BCO1: variants seen among roughly 807,000 people sequenced by gnomAD.
BCO1 encodes beta-carotene oxygenase 1, also known as beta,beta-carotene 15,15'-dioxygenase.
In BCO1, 54 loss-of-function variants were observed where a neutral mutation model predicts 56.3. The observed-to-expected ratio is 0.96, with a 90% CI of 0.77 to 1.20. BCO1 has a LOEUF of 1.20. Among genes scored for constraint, BCO1 ranks in the 50% most tolerant of loss-of-function variants. BCO1 has a pLI of 0.00. For missense variants in BCO1, 801 were observed against 690.9 expected (o/e 1.16, Z -1.79); for synonymous variants, 318 against 266.1 (o/e 1.20, Z -1.90).
At chr16:81,239,064 T>G (rs1441351462) in intron 1 of BCO1, 92 bp downstream of exon 1, 16 of 1,101,104 alleles carry the variant, frequency 1.5e-5, no homozygotes, top group Admixed American at 2.3e-5. Flanking sequence ...TCGCCCGGGC[T>G]GGAGTCCAGT....
chr16:81,262,105 A>G (rs1376280746), intron 3 of BCO1, 31 bp from the exon 4 acceptor site: 1 of 1,611,976 alleles, frequency 6.2e-7, no homozygotes, highest in East Asian at 2.2e-5. Context: ...GGACATAGCC[A>G]CTGACTCTGT....
rs778912655 is a variant in BCO1 at position 81,264,692 on chromosome 16, A to T, written c.524A>T (p.Tyr175Phe). 6.2e-6 allele frequency: 10 copies of T among 1,614,052 alleles called. 1 individual carries two copies. The highest frequency in any genetic ancestry group is 8.5e-6 in the Non-Finnish European group (10 of 1,179,992). ...AATCTGGCAACGTCACATCCCCATT[A>T]TGATGAGGCTGGAAATGTTCTAAAC... ...AVNLATSHPH[Y>F]DEAGNVLNMG... is the part of the protein sequence containing the mutation. Residue 175 changes from tyrosine (Y) to phenylalanine (F), a missense_variant, in exon 5 of 11, where the codon TAT becomes TTT. Transcript: ENST00000258168.
At position 81,268,097 on chromosome 16, in the gene BCO1, G is replaced by A; in HGVS notation, c.809G>A (p.Trp270Ter). 1 of 1,611,240 alleles carries A rather than the reference G, an allele frequency of 6.2e-7. No individual in the cohort carries two copies. The highest frequency in any genetic ancestry group is 8.5e-7 in the Non-Finnish European group (1 of 1,179,968). ...MATAYIRRMSWASCLAFHREE... is the reference protein window; with the variant it reads ...MATAYIRRMS Reference sequence around the variant, plus strand: ...ACCGCATACATCCGGAGAATGAGCTGGGCCTCCTGCCTGGCTTTCCACAGG... The same window carrying A: ...ACCGCATACATCCGGAGAATGAGCTAGGCCTCCTGCCTGGCTTTCCACAGG... Residue 270 changes from tryptophan to a stop codon, truncating the protein, a stop_gained, in exon 6 of 11, where the codon TGG (tryptophan) becomes TAG (stop). Coordinates refer to ENST00000258168, the MANE Select transcript of BCO1 (RefSeq NM_017429.3). LOFTEE classifies it high-confidence loss of function.
At chr16:81,242,756 T>G (rs1284479958) in intron 1 of BCO1, among the ~76,000 whole-genome samples, 4 of 152,056 alleles carry the variant, frequency 2.6e-5, no homozygotes, top group Admixed American at 2.0e-4. Context: ...CCTCGAGCCG[T>G]GGACCAGTAC....
chr16:81,284,782 G>A (rs1214723646), intron 8 of BCO1, among the ~76,000 whole-genome samples: 3 of 150,936 alleles, frequency 2.0e-5, no homozygotes, highest in Admixed American at 6.6e-5. Flanking sequence ...ACCATGCCTA[G>A]CACAGCTTCC....
chr16:81,272,561 G>A (rs1469141594), intron 7 of BCO1, among the ~76,000 whole-genome samples: 1 of 152,158 alleles, frequency 6.6e-6, no homozygotes, highest in African/African-American at 2.4e-5. Flanking sequence ...GATGTTGGAA[G>A]TTCCGTTCTT....
At chr16:81,282,883 G>A (rs1170013322) in intron 8 of BCO1, among the ~76,000 whole-genome samples, 4 of 152,188 alleles carry the variant, frequency 2.6e-5, no homozygotes, top group Non-Finnish European at 5.9e-5. Flanking sequence ...CATCCCGGCA[G>A]TGTCATTCTT....
chr16:81,256,562 G>A (rs1376571703), intron 2 of BCO1, among the ~76,000 whole-genome samples: 3 of 152,080 alleles, frequency 2.0e-5, no homozygotes, highest in East Asian at 1.9e-4. Context: ...CCTCTTTCAG[G>A]CCCCTCCCCG....
intron 2 of BCO1, among the ~76,000 whole-genome samples, chr16:81,252,416 C>G (rs910098391): frequency 6.6e-6 from 1 of 152,018 alleles, no homozygotes; most frequent in South Asian, 2.1e-4. Flanking sequence ...GCACCATGCC[C>G]AGCTAATTTT....
intron 6 of BCO1, among the ~76,000 whole-genome samples, chr16:81,268,781 T>TG (rs767261683): frequency 2.0e-5 from 3 of 152,054 alleles, no homozygotes; most frequent in Non-Finnish European, 2.9e-5. Flanking sequence ...GTTTTTATTG[T>TG]GGGGGGGTTG....
chr16:81,254,812 T>G (rs914559665), intron 2 of BCO1, among the ~76,000 whole-genome samples: 3 of 152,098 alleles, frequency 2.0e-5, no homozygotes, highest in Non-Finnish European at 4.4e-5. Flanking sequence ...TGTTTCTCTT[T>G]TTGAGGCAGG....
intron 5 of BCO1, among the ~76,000 whole-genome samples, chr16:81,267,279 C>G (rs1906886134): frequency 6.6e-6 from 1 of 152,130 alleles, no homozygotes; most frequent in Non-Finnish European, 1.5e-5. Context: ...TATAAAATGG[C>G]CATTCTACAG....
At chr16:81,254,795 C>G (rs990130672) in intron 2 of BCO1, among the ~76,000 whole-genome samples, 5 of 152,040 alleles carry the variant, frequency 3.3e-5, no homozygotes, top group African/African-American at 9.7e-5. Context: ...GGGGGCTGCT[C>G]TGGTCCTGTT....
chr16:81,253,282 A>G (rs1348698886), intron 2 of BCO1, among the ~76,000 whole-genome samples: 6 of 152,180 alleles, frequency 3.9e-5, no homozygotes, highest in Admixed American at 3.3e-4. Context: ...TGTCTACTGC[A>G]TCTCAATACT....
At chr16:81,244,753 G>C (rs1299542911) in intron 1 of BCO1, among the ~76,000 whole-genome samples, 1 of 143,094 alleles carries the variant, frequency 7.0e-6, no homozygotes, top group African/African-American at 2.7e-5. Flanking sequence ...TTGAGACAAG[G>C]TCTTGCTCTG....
intron 5 of BCO1, among the ~76,000 whole-genome samples, chr16:81,266,030 CACCT>C (rs1445863668): frequency 6.6e-6 from 1 of 152,228 alleles, no homozygotes; most frequent in East Asian, 1.9e-4. Flanking sequence ...CCCACCCACC[CACCT>C]ATCGATTCAT....
In BCO1 at chr16:81,290,341, C is replaced by G; in HGVS notation, c.1415-7C>G. 6.2e-7 allele frequency: 1 copy of G among 1,610,580 alleles called. No individual in the cohort carries two copies. The highest frequency in any genetic ancestry group is 8.5e-7 in the Non-Finnish European group (1 of 1,176,868). ...TTACGAAGTGTTTTTTTTCTGTTTC[C>G]CTAAAGGAGTAATCTTATCAGCCAT... On this transcript the variant is annotated splice_region_variant and splice_polypyrimidine_tract_variant and intron_variant, in intron 10 of 10. Transcript: ENST00000258168.
rs754153507 is a variant in BCO1 at position 81,287,346 on chromosome 16, G to A, written c.1354G>A (p.Asp452Asn). ...GTCATCCTTAAAATGGAGAGAGGAC[G>A]ACTGCTGGCCAGCGGAACCCCTGTT... ...TKSSLKWREDDCWPAEPLFVP... is the reference protein window; with the variant it reads ...TKSSLKWREDNCWPAEPLFVP... Residue 452 changes from aspartate (D) to asparagine (N), a missense_variant, in exon 10 of 11, where the codon GAC (aspartate) becomes AAC (asparagine). Asp to Asn is a conservative substitution (Grantham distance 23). Transcript: ENST00000258168. The A allele has an allele frequency of 4.3e-6, 7 of 1,614,104 alleles. No homozygotes were observed. Among genetic ancestry groups the A allele is most frequent in the Middle Eastern group, 1.7e-4 (1 of 6,048 alleles).
At chr16:81,248,020 G>T (rs1452121023) in intron 2 of BCO1, among the ~76,000 whole-genome samples, 1 of 152,126 alleles carries the variant, frequency 6.6e-6, no homozygotes, top group Non-Finnish European at 1.5e-5. Flanking sequence ...ATCTCATGGA[G>T]CTGCTATTAG....
Sources: allele counts gnomAD v4.1 joint callset (sites outside exome capture counted in the v4.1 genomes callset), GRCh38; gene constraint gnomAD v4.1.1; transcripts MANE v1.5; gene names NCBI Gene and HGNC (gene_info 2026-07-23, HGNC 2026-07-21).